Variants in STXBP5L observed in about 807,000 individuals in gnomAD.
STXBP5L encodes the protein syntaxin binding protein 5L.
A neutral mutation model predicts 144.5 loss-of-function variants in STXBP5L; 65 were observed. The observed-to-expected ratio is 0.45, with a 90% CI of 0.37 to 0.55. The LOEUF (loss-of-function observed/expected upper bound fraction) is 0.55. Ranked by LOEUF, STXBP5L falls within the 20% of genes least tolerant of loss-of-function variation. STXBP5L has a pLI of 0.00. For synonymous variants in STXBP5L, 505 were observed against 469.6 expected, an observed-to-expected ratio of 1.08 and a Z score of -0.97; for missense variants, 1,298 against 1,405.5, an observed-to-expected ratio of 0.92 and a Z score of 1.22.
At chr3:121,416,164 G>A (rs1266972249) in intron 25 of STXBP5L, among the ~76,000 whole-genome samples, 196 bp downstream of exon 25, 5 of 151,946 alleles carry the variant, frequency 3.3e-5, no homozygotes, top group Non-Finnish European at 7.4e-5. Flanking sequence ...ATGGAAAGTG[G>A]TCACTTCATA....
chr3:121,119,140 C>T (rs549462270), intron 6 of STXBP5L, among the ~76,000 whole-genome samples: 4 of 151,520 alleles, frequency 2.6e-5, no homozygotes, highest in African/African-American at 9.6e-5. Flanking sequence ...TAAATATGCT[C>T]TGAATTATGA....
chr3:121,089,317 C>T (rs1335966612), intron 5 of STXBP5L, among the ~76,000 whole-genome samples: 4 of 151,518 alleles, frequency 2.6e-5, no homozygotes, highest in Non-Finnish European at 4.4e-5. Flanking sequence ...TTTTCCTTTA[C>T]CTGATAATGT....
At chr3:121,063,256 C>T (rs922293384) in intron 5 of STXBP5L, among the ~76,000 whole-genome samples, 1 of 152,154 alleles carries the variant, frequency 6.6e-6, no homozygotes, top group Non-Finnish European at 1.5e-5. Flanking sequence ...TTCTTTCTAA[C>T]AGTCAGGCCA....
intron 19 of STXBP5L, among the ~76,000 whole-genome samples, chr3:121,307,795 T>C (rs1577414902): frequency 6.6e-6 from 1 of 151,932 alleles, no homozygotes; most frequent in African/African-American, 2.4e-5. Context: ...CCAAATTTTA[T>C]GAAAAACATT....
At chr3:120,961,494 A>G (rs936612668) in intron 3 of STXBP5L, among the ~76,000 whole-genome samples, 4 of 151,982 alleles carry the variant, frequency 2.6e-5, no homozygotes, top group South Asian at 4.1e-4. Flanking sequence ...TCATTGTTCA[A>G]TTCCCCTCTA....
intron 2 of STXBP5L, among the ~76,000 whole-genome samples, chr3:120,910,093 C>A (rs1302151219): frequency 1.3e-5 from 2 of 152,048 alleles, no homozygotes; most frequent in Admixed American, 1.3e-4. Flanking sequence ...TTTGTGTTAT[C>A]AGAGAAAATA....
chr3:121,336,240 T>G (rs2044500794), intron 20 of STXBP5L, among the ~76,000 whole-genome samples: 1 of 152,182 alleles, frequency 6.6e-6, no homozygotes, highest in African/African-American at 2.4e-5. Context: ...CTCATGCCTG[T>G]AGTCTCAACA....
intron 10 of STXBP5L, among the ~76,000 whole-genome samples, chr3:121,206,572 G>A (rs1577208126): frequency 6.6e-6 from 1 of 152,264 alleles, no homozygotes; most frequent in East Asian, 1.9e-4. Context: ...CACTTTGGGA[G>A]GCTAAGGCGG....
intron 3 of STXBP5L, among the ~76,000 whole-genome samples, chr3:120,987,137 C>T (rs1010272289): frequency 4.6e-5 from 7 of 151,990 alleles, no homozygotes; most frequent in African/African-American, 1.7e-4. Flanking sequence ...TATAATCAGA[C>T]TTTAAAAAGT....
rs1039152853 is a variant in STXBP5L at position 121,319,202 on chromosome 3, A to G, written c.2176+662A>G. ...TCTGATTTTTCTATAATGTATATAT[A>G]GTTTTGTGTGAGTTTTTAAACACCA... is the stretch of plus-strand genomic sequence containing the variant. On this transcript the variant is annotated intron_variant, in intron 20 of 26. Coordinates refer to ENST00000471454, the MANE Select transcript of STXBP5L (RefSeq NM_001308330.2). Among the ~76,000 whole-genome samples, 4 of 152,138 alleles carry G rather than the reference A, an allele frequency of 2.6e-5. 1 individual carries two copies. The highest frequency in any genetic ancestry group is 4.4e-5 in the Non-Finnish European group (3 of 68,004).
rs931241272 is a variant in STXBP5L at position 121,059,448 on chromosome 3, C to T, written c.470+13913C>T. Among the ~76,000 whole-genome samples, 12 of 152,000 alleles carry T rather than the reference C, an allele frequency of 7.9e-5. No individual in the cohort carries two copies. In the South Asian group the frequency reaches 1.7e-3, roughly 21 times the overall value. ...TTCTTTTTGCTTAGGATTGTCGTGG[C>T]TATGTGGGTTCTTGTTTGGTTCTAT... On this transcript the variant is annotated intron_variant, in intron 5 of 26. Coordinates refer to ENST00000471454, the MANE Select transcript of STXBP5L (RefSeq NM_001308330.2).
At position 120,978,488 on chromosome 3, in the gene STXBP5L, G is replaced by T. The variant is rs552717618; in HGVS notation, c.287+23451G>T. 3.9e-5 allele frequency among the ~76,000 whole-genome samples: 6 copies of T among 152,226 alleles called. No individual in the cohort carries two copies. In the South Asian group the frequency reaches 1.2e-3, roughly 32 times the overall value. On this transcript the variant is annotated intron_variant, in intron 3 of 26. Coordinates refer to ENST00000471454, the MANE Select transcript of STXBP5L (RefSeq NM_001308330.2). ...TTTTTAACTTCTTTGCCTTTGGTTT[G>T]AATTTCCTCCTGTAGCTCGGAGTAG... is the stretch of plus-strand genomic sequence containing the variant.
At chr3:121,410,589 T>G (rs1313545713) in intron 23 of STXBP5L, among the ~76,000 whole-genome samples, 1 of 152,068 alleles carries the variant, frequency 6.6e-6, no homozygotes, top group South Asian at 2.1e-4. Flanking sequence ...TCTCAAGTCC[T>G]GGGTTTCTGA....
intron 14 of STXBP5L, among the ~76,000 whole-genome samples, chr3:121,243,009 C>A (rs2049719684): frequency 6.6e-6 from 1 of 152,120 alleles, no homozygotes; most frequent in African/African-American, 2.4e-5. Context: ...GCGTTTCAGC[C>A]ACATCAGTCC....
intron 3 of STXBP5L, among the ~76,000 whole-genome samples, chr3:120,992,603 C>T (rs996778821): frequency 5.3e-5 from 8 of 152,088 alleles, no homozygotes; most frequent in African/African-American, 1.9e-4. Context: ...ACGTGCAGTT[C>T]TATCCATGCT....
chr3:121,313,466 G>T (rs1252464940), intron 19 of STXBP5L, among the ~76,000 whole-genome samples: 1 of 97,406 alleles, frequency 1.0e-5, no homozygotes, highest in Non-Finnish European at 2.1e-5. Context: ...CCTCCTGGAC[G>T]GGGCGACTGG....
intron 3 of STXBP5L, among the ~76,000 whole-genome samples, chr3:120,959,148 A>C (rs1213159573): frequency 1.3e-5 from 2 of 152,234 alleles, no homozygotes; most frequent in Non-Finnish European, 2.9e-5. Flanking sequence ...ACTCCCATTC[A>C]CAATTGCTTC....
At chr3:121,151,254 A>T (rs1577067965) in intron 7 of STXBP5L, among the ~76,000 whole-genome samples, 1 of 152,142 alleles carries the variant, frequency 6.6e-6, no homozygotes, top group East Asian at 1.9e-4. Context: ...TAGTTTTGAC[A>T]TTTTCACTTA....
intron 2 of STXBP5L, among the ~76,000 whole-genome samples, chr3:120,927,548 T>C (rs997259160): frequency 6.6e-6 from 1 of 152,228 alleles, no homozygotes; most frequent in African/African-American, 2.4e-5. Flanking sequence ...GCTGGTTGTC[T>C]ACCTTGAGCT....
Sources: gnomAD v4.1 joint callset for allele counts (sites outside exome capture counted in the v4.1 genomes callset) on GRCh38, gnomAD v4.1.1 for gene constraint, MANE v1.5 for transcripts, NCBI Gene and HGNC (gene_info 2026-07-23, HGNC 2026-07-21) for gene names.